LUZP2: variants seen among roughly 807,000 people sequenced by gnomAD.
LUZP2 encodes leucine zipper protein 2.
In LUZP2, 52 loss-of-function variants were observed where a neutral mutation model predicts 51.6. That is an observed-to-expected ratio of 1.01 (90% CI 0.81 to 1.27). The LOEUF (loss-of-function observed/expected upper bound fraction) is 1.27. LUZP2 is among the 50% of genes most tolerant of loss of function. The probability of loss-of-function intolerance (pLI) is 0.00; values close to 1 mark genes in which losing one functional copy is unlikely to be tolerated. For missense variants in LUZP2, 436 were observed against 395.4 expected, an observed-to-expected ratio of 1.10 and a Z score of -0.87; for synonymous variants, 154 against 137.3, an observed-to-expected ratio of 1.12 and a Z score of -0.85.
At chr11:24,982,638 G>A (rs1435173888) in intron 8 of LUZP2, among the ~76,000 whole-genome samples, 1 of 151,682 alleles carries the variant, frequency 6.6e-6, no homozygotes, top group Non-Finnish European at 1.5e-5. Flanking sequence ...AGAGTAGAGT[G>A]GAGTAGAAAG....
At chr11:24,666,332 A>G (rs1405963073) in intron 1 of LUZP2, among the ~76,000 whole-genome samples, 1 of 152,234 alleles carries the variant, frequency 6.6e-6, no homozygotes, top group Non-Finnish European at 1.5e-5. Flanking sequence ...GGGTGCCTGT[A>G]GTTAACTCCT....
chr11:24,894,988 G>A (rs1196182795), intron 5 of LUZP2, among the ~76,000 whole-genome samples: 1 of 152,038 alleles, frequency 6.6e-6, no homozygotes, highest in East Asian at 1.9e-4. Context: ...TGGGACTTAG[G>A]AAAAAATAAC....
chr11:24,674,347 T>A (rs140465140), intron 1 of LUZP2, among the ~76,000 whole-genome samples: 1 of 152,334 alleles, frequency 6.6e-6, no homozygotes, highest in East Asian at 1.9e-4. Context: ...GGTACTTTTA[T>A]GTTCTGGTTA....
chr11:24,517,081 G>A (rs912810891), intron 1 of LUZP2, among the ~76,000 whole-genome samples: 1 of 151,754 alleles, frequency 6.6e-6, no homozygotes, highest in Non-Finnish European at 1.5e-5. Context: ...CATATTTTTT[G>A]TGTTCTAAGT....
chr11:24,536,947 A>G (rs1338374722), intron 1 of LUZP2, among the ~76,000 whole-genome samples: 1 of 151,828 alleles, frequency 6.6e-6, no homozygotes, highest in Non-Finnish European at 1.5e-5. Context: ...TCTAATTCCA[A>G]TATGACTGCT....
At chr11:25,018,766 C>A (rs185744034) in intron 9 of LUZP2, among the ~76,000 whole-genome samples, 2 of 152,036 alleles carry the variant, frequency 1.3e-5, no homozygotes, top group African/African-American at 4.8e-5. Flanking sequence ...TGCCACCATG[C>A]CTGGCTAAGT....
intron 1 of LUZP2, among the ~76,000 whole-genome samples, chr11:24,521,300 G>A (rs950249298): frequency 1.6e-5 from 2 of 125,262 alleles, no homozygotes; most frequent in Non-Finnish European, 3.2e-5. Flanking sequence ...ACAGTGAGCT[G>A]AGATCATGCC....
chr11:24,957,853 A>G (rs11028300), intron 7 of LUZP2, among the ~76,000 whole-genome samples: 56,547 of 151,996 alleles, frequency 0.37, 12,704 homozygotes, highest in East Asian at 0.7. Flanking sequence ...CACTGCACCC[A>G]CTAACTCGTC....
chr11:25,056,853 C>T (rs370729492), intron 10 of LUZP2, among the ~76,000 whole-genome samples: 7 of 152,126 alleles, frequency 4.6e-5, no homozygotes, highest in African/African-American at 1.4e-4. Context: ...GTAATCCCGG[C>T]GCTTTGGGAG....
intron 5 of LUZP2, among the ~76,000 whole-genome samples, chr11:24,899,495 TGAGA>T (rs1000272788): frequency 6.6e-6 from 1 of 152,028 alleles, no homozygotes; most frequent in Non-Finnish European, 1.5e-5. Flanking sequence ...ATACTTTAAT[TGAGA>T]GAAAGATATC....
intron 5 of LUZP2, among the ~76,000 whole-genome samples, chr11:24,873,831 T>A (rs1247861469): frequency 1.3e-5 from 2 of 152,202 alleles, no homozygotes; most frequent in Non-Finnish European, 2.9e-5. Flanking sequence ...TTAACTTGTT[T>A]GTTAAATAGA....
At chr11:24,993,180 GTTC>G (rs1340969330) in intron 9 of LUZP2, among the ~76,000 whole-genome samples, 1 of 152,044 alleles carries the variant, frequency 6.6e-6, no homozygotes, top group African/African-American at 2.4e-5. Context: ...GAAAACTACA[GTTC>G]TTGTCTCTAT....
At chr11:24,740,024 C>T (rs865807813) in intron 4 of LUZP2, among the ~76,000 whole-genome samples, 1 of 152,068 alleles carries the variant, frequency 6.6e-6, no homozygotes, top group African/African-American at 2.4e-5. Flanking sequence ...CTGAATGGTC[C>T]TAATTGCAAT....
intron 1 of LUZP2, among the ~76,000 whole-genome samples, chr11:24,693,417 T>C (rs147112770): frequency 1.5e-4 from 23 of 151,824 alleles, no homozygotes; most frequent in African/African-American, 5.3e-4. Flanking sequence ...GAAGAATCAA[T>C]ATATGATTTA....
chr11:24,739,913 C>G (rs925921550), intron 4 of LUZP2, among the ~76,000 whole-genome samples: 1 of 152,004 alleles, frequency 6.6e-6, no homozygotes, highest in Non-Finnish European at 1.5e-5. Context: ...TGAAATGTGG[C>G]CTAAAGTCTG....
chr11:24,637,586 G>A (rs926363755), intron 1 of LUZP2, among the ~76,000 whole-genome samples: 1 of 151,762 alleles, frequency 6.6e-6, no homozygotes, highest in Non-Finnish European at 1.5e-5. Flanking sequence ...TAACCCTGGG[G>A]AAGGAATGCA....
chr11:24,864,163 G>A (rs570667771), intron 5 of LUZP2, among the ~76,000 whole-genome samples: 1 of 152,198 alleles, frequency 6.6e-6, no homozygotes, highest in East Asian at 1.9e-4. Context: ...AATAATAAGT[G>A]TAATTATAGT....
chr11:24,583,054 A>G lies in LUZP2; in HGVS notation c.62+85749A>G, dbSNP rs533913069. Among the ~76,000 whole-genome samples, 7 of 152,292 alleles carry G rather than the reference A, an allele frequency of 4.6e-5. No individual in the cohort carries two copies. The South Asian group carries it at 1.2e-3, about 27-fold the overall frequency. On this transcript the variant is annotated intron_variant, in intron 1 of 11. Transcript: ENST00000336930. ...ATTTTTTTGTAGTCAACTCTTCATT[A>G]TCATTCAGCCCTTTTCTTGGTCTTT...
chr11:25,066,292 G>A (rs566586178), intron 10 of LUZP2, among the ~76,000 whole-genome samples: 9 of 151,966 alleles, frequency 5.9e-5, no homozygotes, highest in African/African-American at 1.2e-4. Context: ...GAAAGGGGAG[G>A]CATGAGAGTT....
Sources: gnomAD v4.1 joint callset for allele counts (sites outside exome capture counted in the v4.1 genomes callset) on GRCh38, gnomAD v4.1.1 for gene constraint, MANE v1.5 for transcripts, NCBI Gene and HGNC (gene_info 2026-07-23, HGNC 2026-07-21) for gene names.